The following AP1S3 variants were observed in gnomAD, a reference collection of about 807,000 sequenced individuals.
AP1S3 encodes the protein adaptor related protein complex 1 subunit sigma 3, also known as AP-1 complex subunit sigma-3.
A neutral mutation model predicts 20.9 loss-of-function variants in AP1S3; 10 were observed. That is an observed-to-expected ratio of 0.48 (90% CI 0.29 to 0.81). The LOEUF is 0.81. Ranked by LOEUF, AP1S3 falls within the 30% of genes least tolerant of loss-of-function variation. The pLI, the probability that AP1S3 is intolerant of heterozygous loss-of-function variation, is 0.08. For synonymous variants in AP1S3, 41 were observed against 61.5 expected (o/e 0.67, Z 1.56); for missense variants, 154 against 183.8 (o/e 0.84, Z 0.94).
intron 1 of AP1S3, among the ~76,000 whole-genome samples, chr2:223,823,664 T>G (rs1279447869): frequency 6.6e-6 from 1 of 152,162 alleles, no homozygotes; most frequent in Non-Finnish European, 1.5e-5. Context: ...ATTCAAGAGC[T>G]CTATGGTACA....
intron 1 of AP1S3, among the ~76,000 whole-genome samples, chr2:223,784,748 C>G (rs1216907004): frequency 6.6e-6 from 1 of 152,150 alleles, no homozygotes; most frequent in African/African-American, 2.4e-5. Context: ...CTTGTAATCA[C>G]AACACTTTGT....
chr2:223,792,342 G>A (rs189137963), intron 1 of AP1S3, among the ~76,000 whole-genome samples: 111 of 152,052 alleles, frequency 7.3e-4, no homozygotes, highest in African/African-American at 2.4e-3. Context: ...GAACAGACAC[G>A]TTGACCATGG....
intron 1 of AP1S3, among the ~76,000 whole-genome samples, chr2:223,789,919 G>C (rs1691173140): frequency 1.3e-5 from 2 of 151,194 alleles, no homozygotes; most frequent in African/African-American, 4.9e-5. Context: ...ATAATGGAGA[G>C]GAAGAAAATA....
intron 1 of AP1S3, 27 bp downstream of exon 1, chr2:223,837,421 C>G: frequency 4.1e-6 from 5 of 1,221,014 alleles, no homozygotes; most frequent in Non-Finnish European, 5.1e-6. Context: ...CACCGCCTAC[C>G]CGGGCCGGCG....
chr2:223,759,405 T>C (rs1430067204), intron 4 of AP1S3, among the ~76,000 whole-genome samples: 1 of 152,222 alleles, frequency 6.6e-6, no homozygotes, highest in Non-Finnish European at 1.5e-5. Flanking sequence ...TCCAGGTACG[T>C]GTATTAGAGA....
chr2:223,834,505 C>G (rs572577141), intron 1 of AP1S3, among the ~76,000 whole-genome samples: 5 of 152,066 alleles, frequency 3.3e-5, no homozygotes, highest in African/African-American at 1.2e-4. Flanking sequence ...TAGGAGGATG[C>G]CTTGAGTCCA....
chr2:223,758,180 C>T lies in AP1S3; in HGVS notation c.*535G>A. Reference sequence around the variant, plus strand: ...ATGAATTCAGCACATTAAAATCAGACATTTTGTATGTGAATTGCAGTTACA... The same window carrying T: ...ATGAATTCAGCACATTAAAATCAGATATTTTGTATGTGAATTGCAGTTACA... On this transcript the variant is annotated 3_prime_UTR_variant, in exon 5 of 5. Transcript: ENST00000396654. The T allele has an allele frequency of 2.0e-6, 2 of 981,218 alleles. No homozygotes were observed. The highest frequency in any genetic ancestry group is 3.5e-5 in the African/African-American group (2 of 57,246). The allele number at this position is 981,218 out of a possible 1,614,324, so 60.8% of individuals were successfully genotyped here.
In AP1S3 at chr2:223,794,673, A is replaced by G. The variant is rs549827917; in HGVS notation, c.4-16804T>C. Among the ~76,000 whole-genome samples, 3 of 152,230 alleles carry G rather than the reference A, an allele frequency of 2.0e-5. No homozygotes were observed. In the South Asian group the frequency reaches 6.2e-4, roughly 32 times the overall value. On this transcript the variant is annotated intron_variant, in intron 1 of 4. Transcript: ENST00000396654. The stretch of plus-strand genomic sequence containing the variant: ...TTACACACGACTTGTCGGAGCACTC[A>G]TTCCTCCAGGGCTCCATGGTTTACC...
chr2:223,782,256 G>A (rs1379754992), intron 1 of AP1S3, among the ~76,000 whole-genome samples: 2 of 151,974 alleles, frequency 1.3e-5, no homozygotes, highest in South Asian at 2.1e-4. Context: ...CACGTGATTG[G>A]CCCACCTCAG....
chr2:223,790,229 C>T (rs1157499368), intron 1 of AP1S3, among the ~76,000 whole-genome samples: 1 of 146,380 alleles, frequency 6.8e-6, no homozygotes, highest in Non-Finnish European at 1.5e-5. Flanking sequence ...AAATTGCCTC[C>T]AGTCTTTTTT....
At chr2:223,758,876 G>A (rs1690285937) in intron 4 of AP1S3, 126 bp from the exon 5 acceptor site, 1 of 776,634 alleles carries the variant, frequency 1.3e-6, no homozygotes, top group African/African-American at 1.8e-5. Context: ...AGGATACATG[G>A]ATATAAAATC....
chr2:223,807,519 T>C (rs79166027), intron 1 of AP1S3, among the ~76,000 whole-genome samples: 1,861 of 152,302 alleles, frequency 0.012, 38 homozygotes, highest in African/African-American at 0.041. Flanking sequence ...CCAAATCTCA[T>C]GTTCAACTGA....
intron 1 of AP1S3, among the ~76,000 whole-genome samples, chr2:223,803,905 G>T (rs1004811572): frequency 1.3e-5 from 2 of 151,290 alleles, no homozygotes; most frequent in African/African-American, 4.9e-5. Flanking sequence ...AAATAGATGA[G>T]AGTATCAATT....
intron 1 of AP1S3, among the ~76,000 whole-genome samples, chr2:223,810,809 A>C (rs1691706662): frequency 6.6e-6 from 1 of 152,170 alleles, no homozygotes; most frequent in Admixed American, 6.6e-5. Context: ...CTAATAAAGT[A>C]GGTAGTTATT....
chr2:223,795,653 A>C (rs963907673), intron 1 of AP1S3, among the ~76,000 whole-genome samples: 1 of 152,220 alleles, frequency 6.6e-6, no homozygotes, highest in Non-Finnish European at 1.5e-5. Context: ...AAACTTTGGT[A>C]ATCAGTAGCT....
At chr2:223,785,448 G>T (rs1223928282) in intron 1 of AP1S3, among the ~76,000 whole-genome samples, 1 of 152,172 alleles carries the variant, frequency 6.6e-6, no homozygotes, top group Non-Finnish European at 1.5e-5. Flanking sequence ...ACACTAAATT[G>T]TTATAGTGGT....
chr2:223,764,212 T>C (rs1690426647), intron 4 of AP1S3, among the ~76,000 whole-genome samples: 1 of 152,072 alleles, frequency 6.6e-6, no homozygotes, highest in African/African-American at 2.4e-5. Flanking sequence ...AGCCACCGCA[T>C]CCGGCCAAAT....
chr2:223,819,595 G>T (rs1691938341), intron 1 of AP1S3, among the ~76,000 whole-genome samples: 1 of 113,198 alleles, frequency 8.8e-6, no homozygotes, highest in Non-Finnish European at 1.9e-5. Context: ...AAGATGCCTT[G>T]TGTAAAAAAA....
At chr2:223,816,788 T>C (rs1464859692) in intron 1 of AP1S3, among the ~76,000 whole-genome samples, 3 of 152,208 alleles carry the variant, frequency 2.0e-5, no homozygotes, top group Admixed American at 6.5e-5. Flanking sequence ...TACTACAGAC[T>C]GCTTATAAAG....
Sources: allele counts gnomAD v4.1 joint callset (sites outside exome capture counted in the v4.1 genomes callset), GRCh38; gene constraint gnomAD v4.1.1; transcripts MANE v1.5; gene names NCBI Gene and HGNC (gene_info 2026-07-23, HGNC 2026-07-21).